TSPAN2: variants seen among roughly 807,000 people sequenced by gnomAD.
TSPAN2 encodes the protein tetraspanin-2.
TSPAN2 carries 24 observed loss-of-function variants against 33.3 expected under a neutral mutation model. The observed-to-expected ratio is 0.72, with a 90% CI of 0.52 to 1.01. TSPAN2 has a LOEUF of 1.01. Among genes scored for constraint, TSPAN2 ranks in the 50% least tolerant of loss-of-function variants. The pLI, the probability that TSPAN2 is intolerant of heterozygous loss-of-function variation, is 0.00. For synonymous variants in TSPAN2, 114 were observed against 104.5 expected (o/e 1.09, Z -0.56); for missense variants, 278 against 281.3 (o/e 0.99, Z 0.08).
chr1:115,087,214 C>T (rs764693897), intron 1 of TSPAN2, among the ~76,000 whole-genome samples: 3 of 152,006 alleles, frequency 2.0e-5, no homozygotes, highest in South Asian at 2.1e-4. Context: ...CCACTGTGCC[C>T]GGCCTGAGAA....
Position 115,060,448 on chromosome 1 carries a change from A to C in TSPAN2, c.345+16T>G. On this transcript the variant is annotated intron_variant, in intron 4 of 7. Coordinates refer to ENST00000369516, the MANE Select transcript of TSPAN2 (RefSeq NM_005725.6). ...TTTAACCATCATAGAAAAACATTAT[A>C]AGTAATTTTACTTACTACCCCCTTG... The C allele has an allele frequency of 6.3e-7, 1 of 1,588,180 alleles. No individual in the cohort carries two copies. Among genetic ancestry groups the C allele is most frequent in the South Asian group, 1.1e-5 (1 of 89,158 alleles).
chr1:115,062,118 C>T lies in TSPAN2; in HGVS notation c.270+17G>A, dbSNP rs1647754427. The T allele has an allele frequency of 4.5e-6, 7 of 1,556,674 alleles. No homozygotes were observed. Among genetic ancestry groups the T allele is most frequent in the Non-Finnish European group, 6.1e-6 (7 of 1,146,892 alleles). On this transcript the variant is annotated intron_variant, in intron 3 of 7. Coordinates refer to ENST00000369516, the MANE Select transcript of TSPAN2 (RefSeq NM_005725.6). ...CCCTCACCCCCACCCCACCATTTAC[C>T]CCCTCGCCCCACTTACTGATCCAAG...
intron 6 of TSPAN2, 23 bp downstream of exon 6, chr1:115,057,510 AGAGT>A: frequency 6.2e-7 from 1 of 1,604,952 alleles, no homozygotes; most frequent in South Asian, 1.1e-5. Flanking sequence ...TACTACAGGT[AGAGT>A]AAGAACCTTG....
chr1:115,088,364 C>T (rs1388938539), intron 1 of TSPAN2, among the ~76,000 whole-genome samples: 1 of 152,186 alleles, frequency 6.6e-6, no homozygotes, highest in East Asian at 1.9e-4. Flanking sequence ...TGGCTGCTCT[C>T]AAACCTCTTT....
chr1:115,057,508 GT>G (rs1466350117), intron 6 of TSPAN2, 28 bp downstream of exon 6: 1 of 1,602,536 alleles, frequency 6.2e-7, no homozygotes, highest in South Asian at 1.1e-5. Flanking sequence ...GATACTACAG[GT>G]AGAGTAAGAA....
At chr1:115,074,071 A>G (rs1291185605) in intron 1 of TSPAN2, among the ~76,000 whole-genome samples, 1 of 152,170 alleles carries the variant, frequency 6.6e-6, no homozygotes, top group African/African-American at 2.4e-5. Context: ...TAGCCCATCC[A>G]GTTGCTGTTG....
At chr1:115,084,405 G>A (rs993703569) in intron 1 of TSPAN2, among the ~76,000 whole-genome samples, 1 of 152,110 alleles carries the variant, frequency 6.6e-6, no homozygotes, top group Non-Finnish European at 1.5e-5. Context: ...AGTATCCACT[G>A]CCCAGGTTTT....
At chr1:115,076,336 TCTA>T (rs1344962837) in intron 1 of TSPAN2, among the ~76,000 whole-genome samples, 5 of 152,134 alleles carry the variant, frequency 3.3e-5, no homozygotes, top group Non-Finnish European at 7.3e-5. Context: ...TGACTCGGCT[TCTA>T]CTTTGTTTGC....
chr1:115,053,585 A>G (rs1647272790), intron 6 of TSPAN2, 123 bp from the exon 7 acceptor site: 21 of 779,304 alleles, frequency 2.7e-5, no homozygotes. Flanking sequence ...GCTTCTACTC[A>G]TGTTTCAACA....
chr1:115,062,109 A>AC, intron 3 of TSPAN2, 26 bp downstream of exon 3: 33 of 1,072,450 alleles, frequency 3.1e-5, no homozygotes, highest in Non-Finnish European at 3.9e-5. Flanking sequence ...CCCCCACCCC[A>AC]CCATTTACCC....
intron 2 of TSPAN2, among the ~76,000 whole-genome samples, chr1:115,068,613 A>G (rs1648041682): frequency 6.6e-6 from 1 of 152,170 alleles, no homozygotes; most frequent in East Asian, 1.9e-4. Context: ...GTGACAGTGG[A>G]GTGAGATTTT....
chr1:115,076,626 C>G (rs1031959637), intron 1 of TSPAN2, among the ~76,000 whole-genome samples: 1 of 152,206 alleles, frequency 6.6e-6, no homozygotes, highest in Non-Finnish European at 1.5e-5. Context: ...GCCTTTGGAA[C>G]AATTACAACT....
chr1:115,057,638 C>T (rs1647485971), intron 5 of TSPAN2, 30 bp from the exon 6 acceptor site: 1 of 1,609,808 alleles, frequency 6.2e-7, no homozygotes. Context: ...ACTTCAGGAC[C>T]AGGCGGGAGG....
chr1:115,056,819 G>C lies in TSPAN2; in HGVS notation c.516+718C>G, dbSNP rs1397613266. Reference sequence around the variant, plus strand: ...TTTGCATCCACAGTGCCGAACATAAGGTAGGCAGCTGATCAATACTGAATT... The same window carrying C: ...TTTGCATCCACAGTGCCGAACATAACGTAGGCAGCTGATCAATACTGAATT... On this transcript the variant is annotated intron_variant, in intron 6 of 7. Transcript: ENST00000369516. 5.3e-5 allele frequency among the ~76,000 whole-genome samples: 8 copies of C among 152,272 alleles called. No homozygotes were observed. The East Asian group carries it at 1.4e-3, about 26-fold the overall frequency.
chr1:115,053,298 T>C, intron 7 of TSPAN2, 81 bp downstream of exon 7: 2 of 1,239,540 alleles, frequency 1.6e-6, no homozygotes, highest in Non-Finnish European at 2.3e-6. Flanking sequence ...CTTAAGATAC[T>C]ATCACACTTG....
chr1:115,076,866 C>G (rs541432705), intron 1 of TSPAN2, among the ~76,000 whole-genome samples: 2 of 152,118 alleles, frequency 1.3e-5, no homozygotes, highest in Non-Finnish European at 2.9e-5. Flanking sequence ...AATCCAGAGG[C>G]AGCCCACCAG....
chr1:115,061,495 C>G (rs1647717942), intron 3 of TSPAN2, among the ~76,000 whole-genome samples: 1 of 152,152 alleles, frequency 6.6e-6, no homozygotes, highest in Non-Finnish European at 1.5e-5. Context: ...AACAGCACTT[C>G]CCTGGCTATA....
chr1:115,078,494 T>C (rs1186107657), intron 1 of TSPAN2, among the ~76,000 whole-genome samples: 1 of 152,096 alleles, frequency 6.6e-6, no homozygotes, highest in Non-Finnish European at 1.5e-5. Flanking sequence ...GTTGGGGCTT[T>C]GGGAGGTAAC....
chr1:115,078,881 C>T (rs1199951995), intron 1 of TSPAN2, among the ~76,000 whole-genome samples: 33 of 152,222 alleles, frequency 2.2e-4, no homozygotes, highest in Non-Finnish European at 1.5e-5. Flanking sequence ...AACTCATCTG[C>T]ACCTGGGAAA....
Sources: gnomAD v4.1 joint callset for allele counts (sites outside exome capture counted in the v4.1 genomes callset) on GRCh38, gnomAD v4.1.1 for gene constraint, MANE v1.5 for transcripts, NCBI Gene and HGNC (gene_info 2026-07-23, HGNC 2026-07-21) for gene names.